PEAK1: variants seen among roughly 807,000 people sequenced by gnomAD.
PEAK1 encodes pseudopodium enriched atypical kinase 1, also known as inactive tyrosine-protein kinase PEAK1.
A neutral mutation model predicts 124.7 loss-of-function variants in PEAK1; 54 were observed. That is an observed-to-expected ratio of 0.43 (90% confidence interval 0.35 to 0.54). PEAK1 has a LOEUF of 0.54. Ranked by LOEUF, PEAK1 falls within the 20% of genes least tolerant of loss-of-function variation. The pLI is 0.01. For missense variants in PEAK1, 2,046 were observed against 2,134.5 expected (o/e 0.96, Z 0.82); for synonymous variants, 719 against 760.0 (o/e 0.95, Z 0.89).
intron 2 of PEAK1, among the ~76,000 whole-genome samples, chr15:77,354,444 A>G (rs984113892): frequency 2.0e-5 from 3 of 152,194 alleles, no homozygotes; most frequent in Non-Finnish European, 4.4e-5. Flanking sequence ...CCATTCCAAA[A>G]TATCTTTCAT....
chr15:77,272,630 C>G (rs2062096361), intron 5 of PEAK1, among the ~76,000 whole-genome samples: 1 of 151,520 alleles, frequency 6.6e-6, no homozygotes, highest in Admixed American at 6.6e-5. Context: ...AAGTTACCAA[C>G]AAAAAAAGTC....
chr15:77,248,097 A>C (rs2060679025), intron 6 of PEAK1, among the ~76,000 whole-genome samples: 1 of 151,742 alleles, frequency 6.6e-6, no homozygotes, highest in Non-Finnish European at 1.5e-5. Context: ...GGTCCTTGCT[A>C]TGCTGCCCAG....
chr15:77,340,612 G>A (rs1331586984), intron 2 of PEAK1, among the ~76,000 whole-genome samples: 2 of 152,222 alleles, frequency 1.3e-5, no homozygotes, highest in Non-Finnish European at 2.9e-5. Flanking sequence ...AATATAAAGA[G>A]TGAACCACAG....
intron 2 of PEAK1, among the ~76,000 whole-genome samples, chr15:77,327,765 T>C (rs2153027483): frequency 6.6e-6 from 1 of 152,024 alleles, no homozygotes; most frequent in East Asian, 1.9e-4. Flanking sequence ...TTAGAATCAT[T>C]ACAAATACTG....
chr15:77,194,305 T>G (rs2058000971), intron 6 of PEAK1, among the ~76,000 whole-genome samples: 2 of 152,184 alleles, frequency 1.3e-5, no homozygotes. Flanking sequence ...TGTGTCCCAG[T>G]TCCTCTAAAA....
intron 7 of PEAK1, among the ~76,000 whole-genome samples, chr15:77,164,721 A>G (rs925725638): frequency 8.5e-5 from 13 of 152,346 alleles, no homozygotes; most frequent in Admixed American, 2.0e-4. Flanking sequence ...GCCATTCTCA[A>G]TAAGAATAAC....
At chr15:77,167,134 G>A (rs957895639) in intron 7 of PEAK1, among the ~76,000 whole-genome samples, 1 of 152,204 alleles carries the variant, frequency 6.6e-6, no homozygotes, top group Non-Finnish European at 1.5e-5. Context: ...GCAGCAAGGT[G>A]TGAAAAGTGA....
chr15:77,182,866 G>T (rs1354936618), intron 6 of PEAK1, among the ~76,000 whole-genome samples: 5 of 151,856 alleles, frequency 3.3e-5, no homozygotes, highest in South Asian at 2.1e-4. Flanking sequence ...CCACTGAAGG[G>T]TCTTGAATAG....
At chr15:77,350,496 G>C (rs1449805933) in intron 2 of PEAK1, 3 of 984,428 alleles carry the variant, frequency 3.0e-6, no homozygotes, top group African/African-American at 1.8e-5. Context: ...TGTCTTCTAA[G>C]AATTTTTTAA....
At chr15:77,410,227 C>G (rs2072289735) in intron 1 of PEAK1, among the ~76,000 whole-genome samples, 1 of 151,856 alleles carries the variant, frequency 6.6e-6, no homozygotes, top group African/African-American at 2.4e-5. Flanking sequence ...AGCTCCTCAG[C>G]CTCCCAAGTG....
intron 2 of PEAK1, among the ~76,000 whole-genome samples, chr15:77,339,626 C>T (rs894207271): frequency 2.0e-5 from 3 of 152,048 alleles, no homozygotes; most frequent in Non-Finnish European, 4.4e-5. Context: ...AGATTCAACA[C>T]CAAAAGCACT....
intron 7 of PEAK1, among the ~76,000 whole-genome samples, chr15:77,170,803 G>C (rs1244552336): frequency 6.6e-6 from 1 of 152,128 alleles, no homozygotes. Flanking sequence ...CTCAGGGTAA[G>C]TCAGAATTCA....
intron 7 of PEAK1, 53 bp downstream of exon 7, chr15:77,178,737 C>T (rs1439514814): frequency 1.3e-6 from 2 of 1,527,298 alleles, no homozygotes; most frequent in Non-Finnish European, 1.8e-6. Flanking sequence ...AAAAACTTAG[C>T]ACCTGAAAAT....
intron 1 of PEAK1, chr15:77,402,096 G>A (rs1002749600): frequency 4.4e-5 from 37 of 837,174 alleles, no homozygotes; most frequent in African/African-American, 5.6e-5. Context: ...CTACTATGGT[G>A]GCTGAGACGG....
rs1051852098 is a variant in PEAK1 at position 77,261,509 on chromosome 15, A to G, written c.-274-8983T>C. ...TCAGCAGCCGATTCGATCAACTGGA[A>G]GAAAGGGTATCAGTGATGGAAGATC... On this transcript the variant is annotated intron_variant, in intron 5 of 9. Transcript: ENST00000682557. Among the ~76,000 whole-genome samples, 13 of 152,302 alleles carry G rather than the reference A, an allele frequency of 8.5e-5. No individual in the cohort carries two copies. The East Asian group carries it at 2.5e-3, about 29-fold the overall frequency.
Position 77,336,149 on chromosome 15 carries a change from T to C in PEAK1, c.-603+29014A>G, listed in dbSNP as rs116461930. ...CAAAGGGGTCTCTCCAAAAGACAGA[T>C]GAGCACAAGACCTGCACCTACTTGT... On this transcript the variant is annotated intron_variant, in intron 2 of 9. Transcript: ENST00000682557. 5.4e-3 allele frequency: 5,289 copies of C among 985,392 alleles called. 162 individuals are homozygous for C. The African/African-American group carries it at 0.074, about 14-fold the overall frequency. 61.0% of individuals were successfully genotyped at this position (985,392 alleles called of 1,614,324 possible).
chr15:77,404,935 CACTTTACT>C (rs1190484540), intron 1 of PEAK1: 1 of 182,916 alleles, frequency 5.5e-6, no homozygotes, highest in Non-Finnish European at 1.0e-5. Context: ...ACAGTGTGAC[CACTTTACT>C]GCATTCATTA....
intron 9 of PEAK1, among the ~76,000 whole-genome samples, chr15:77,131,347 G>A (rs1000887069): frequency 9.9e-5 from 15 of 152,200 alleles, no homozygotes; most frequent in African/African-American, 3.6e-4. Context: ...ACAAAAATTA[G>A]CTGGGCATGG....
intron 6 of PEAK1, among the ~76,000 whole-genome samples, chr15:77,215,619 C>G (rs1046531594): frequency 1.1e-4 from 17 of 152,176 alleles, no homozygotes; most frequent in Non-Finnish European, 2.9e-5. Flanking sequence ...CAACCTTTTT[C>G]AGAAAAATAT....
Sources: allele counts gnomAD v4.1 joint callset (sites outside exome capture counted in the v4.1 genomes callset), GRCh38; gene constraint gnomAD v4.1.1; transcripts MANE v1.5; gene names NCBI Gene and HGNC (gene_info 2026-07-23, HGNC 2026-07-21).